Variants in PLXNA2 observed in about 807,000 individuals in gnomAD.
PLXNA2 encodes plexin A2, also known as plexin-A2.
In PLXNA2, 91 loss-of-function variants were observed where a neutral mutation model predicts 193.5. The ratio of observed to expected loss-of-function variants is 0.47; its 90% CI spans 0.40 to 0.56. The LOEUF (loss-of-function observed/expected upper bound fraction) is 0.56, where lower values mean the gene tolerates loss of function less well. PLXNA2 is among the 20% of genes least tolerant of loss of function. The pLI is 0.00. For missense variants in PLXNA2, 1,995 were observed against 2,503.2 expected (o/e 0.80, Z 4.33); for synonymous variants, 997 against 1,027.3 (o/e 0.97, Z 0.56).
At chr1:208,032,904 T>C (rs1664547252) in intron 28 of PLXNA2, among the ~76,000 whole-genome samples, 1 of 152,180 alleles carries the variant, frequency 6.6e-6, no homozygotes, top group African/African-American at 2.4e-5. Context: ...TCCTCTGAAG[T>C]GAAACAGTAG....
intron 3 of PLXNA2, among the ~76,000 whole-genome samples, chr1:208,191,037 G>A (rs1346867627): frequency 1.3e-5 from 2 of 152,188 alleles, no homozygotes; most frequent in African/African-American, 2.4e-5. Context: ...AGCTAAGTGA[G>A]GCTAAAGGAT....
Position 208,098,886 on chromosome 1 carries a change from A to C in PLXNA2, c.1691T>G (p.Val564Gly), listed in dbSNP as rs1221586750. ...ASISQCVSLA[V>G]HPSSISVSEH... Reference sequence around the variant, plus strand: ...AGATACTGAGATGCTGCTGGGATGCACTGCAAGGCTCACACACTGGCTGAT... The same window carrying C: ...AGATACTGAGATGCTGCTGGGATGCCCTGCAAGGCTCACACACTGGCTGAT... Residue 564 changes from valine to glycine, a missense_variant, in exon 6 of 32, where the codon GTG becomes GGG. By Grantham distance (109) the Val-to-Gly change is moderately radical. Coordinates refer to ENST00000367033, the MANE Select transcript of PLXNA2 (RefSeq NM_025179.4). 2 of 1,613,950 alleles carry C rather than the reference A, an allele frequency of 1.2e-6. No homozygotes were observed. The highest frequency in any genetic ancestry group is 3.3e-5 in the Admixed American group (2 of 59,994).
chr1:208,242,306 TG>T (rs1672083543), intron 1 of PLXNA2, among the ~76,000 whole-genome samples: 1 of 152,118 alleles, frequency 6.6e-6, no homozygotes, highest in African/African-American at 2.4e-5. Context: ...GAGCTAAACC[TG>T]ACTCCTGCTC....
intron 12 of PLXNA2, among the ~76,000 whole-genome samples, chr1:208,064,531 C>T (rs1049910726): frequency 1.3e-5 from 2 of 152,190 alleles, no homozygotes; most frequent in Non-Finnish European, 2.9e-5. Flanking sequence ...AGCCTTTGGA[C>T]ATGTTACCCA....
chr1:208,183,866 T>C (rs1317341728), intron 3 of PLXNA2, among the ~76,000 whole-genome samples: 1 of 152,226 alleles, frequency 6.6e-6, no homozygotes, highest in Non-Finnish European at 1.5e-5. Flanking sequence ...AAGTTATTTC[T>C]ACTTCATATT....
chr1:208,195,931 C>G (rs1262914780), intron 3 of PLXNA2, among the ~76,000 whole-genome samples: 1 of 151,490 alleles, frequency 6.6e-6, no homozygotes, highest in Non-Finnish European at 1.5e-5. Flanking sequence ...AGAGGGGCAG[C>G]CATTAGACTA....
intron 2 of PLXNA2, among the ~76,000 whole-genome samples, chr1:208,214,947 C>A (rs558198405): frequency 2.0e-4 from 31 of 152,090 alleles, no homozygotes; most frequent in African/African-American, 6.3e-4. Context: ...GTCTCTAGCT[C>A]TCTCTCTCTT....
At chr1:208,181,827 G>A (rs928795844) in intron 3 of PLXNA2, among the ~76,000 whole-genome samples, 35 of 152,166 alleles carry the variant, frequency 2.3e-4, no homozygotes, top group Non-Finnish European at 5.9e-5. Context: ...TTTAAATTAT[G>A]TCCAGAAAAA....
intron 12 of PLXNA2, among the ~76,000 whole-genome samples, chr1:208,067,460 T>C (rs1029178101): frequency 6.6e-6 from 1 of 152,218 alleles, no homozygotes; most frequent in African/African-American, 2.4e-5. Flanking sequence ...TCTATGGTAG[T>C]GTACAGTAAC....
chr1:208,139,247 A>G (rs889186419), intron 4 of PLXNA2, among the ~76,000 whole-genome samples: 2 of 152,146 alleles, frequency 1.3e-5, no homozygotes, highest in Non-Finnish European at 2.9e-5. Flanking sequence ...TTTACAGATG[A>G]GGAAACTGAG....
In PLXNA2 at chr1:208,131,182, T is replaced by A. The variant is rs147251508; in HGVS notation, c.1506+11147A>T. Among the ~76,000 whole-genome samples, 753 of 152,246 alleles carry A rather than the reference T, an allele frequency of 4.9e-3. 8 individuals carry two copies. The highest frequency in any genetic ancestry group is 0.016 in the African/African-American group (685 of 41,540). ...GGCCACGCACCCCAGGACTTCCAAT[T>A]GCGCTTGTCTCCAGGGGTTCACTGA... On this transcript the variant is annotated intron_variant, in intron 4 of 31. Coordinates refer to ENST00000367033, the MANE Select transcript of PLXNA2 (RefSeq NM_025179.4).
intron 3 of PLXNA2, among the ~76,000 whole-genome samples, chr1:208,203,538 T>C (rs1670618367): frequency 6.6e-6 from 1 of 152,160 alleles, no homozygotes; most frequent in African/African-American, 2.4e-5. Flanking sequence ...GTGGCTATTG[T>C]TTGGTGGGGC....
chr1:208,058,103 G>A (rs750031688), intron 13 of PLXNA2, among the ~76,000 whole-genome samples: 5 of 152,098 alleles, frequency 3.3e-5, no homozygotes, highest in Non-Finnish European at 5.9e-5. Flanking sequence ...ATGGTGCCTC[G>A]CTCCCTGGGG....
At position 208,217,786 on chromosome 1, in the gene PLXNA2, C is replaced by T. The variant is rs76008312; in HGVS notation, c.137G>A (p.Arg46His). ...PQFSTFHSEN[R>H]DWTFNHLTVH... is the part of the protein sequence containing the mutation. ...GGTCAAGTGGTTGAAGGTCCAGTCA[C>T]GATTCTCAGAGTGGAAGGTGCTGAA... Residue 46 changes from arginine (R) to histidine (H), a missense_variant, in exon 2 of 32, where the codon CGT becomes CAT. Arg to His is a conservative substitution (Grantham distance 29). This residue lies in a region of PLXNA2 where 702 missense variants were observed against 812.9 expected (regional missense o/e 0.86). Coordinates refer to ENST00000367033, the MANE Select transcript of PLXNA2 (RefSeq NM_025179.4). The surrounding 1 kb of genome is among the most constrained non-coding windows in gnomAD (Gnocchi z 4.7). 5,693 of 1,614,156 alleles carry T rather than the reference C, an allele frequency of 3.5e-3. 141 individuals are homozygous for T. The African/African-American group carries it at 0.062, about 18-fold the overall frequency.
chr1:208,138,819 G>A (rs1379734301), intron 4 of PLXNA2, among the ~76,000 whole-genome samples: 1 of 152,222 alleles, frequency 6.6e-6, no homozygotes, highest in African/African-American at 2.4e-5. Context: ...TTGAGGTCAG[G>A]AGTTTGAGAG....
intron 3 of PLXNA2, among the ~76,000 whole-genome samples, chr1:208,178,696 C>T (rs956513382): frequency 1.3e-5 from 2 of 152,088 alleles, no homozygotes; most frequent in East Asian, 1.9e-4. Flanking sequence ...CAGGAGGATG[C>T]GAGGAGAAGA....
chr1:208,093,756 C>G, intron 8 of PLXNA2, among the ~76,000 whole-genome samples: 1 of 152,166 alleles, frequency 6.6e-6, no homozygotes, highest in East Asian at 1.9e-4. Context: ...GTGAGCACTT[C>G]TTTCCTTCCA....
At chr1:208,053,301 G>T (rs1259615782) in intron 14 of PLXNA2, among the ~76,000 whole-genome samples, 1 of 152,168 alleles carries the variant, frequency 6.6e-6, no homozygotes, top group Non-Finnish European at 1.5e-5. Context: ...GAGGAGGGTG[G>T]GCTAGGTTAT....
intron 3 of PLXNA2, among the ~76,000 whole-genome samples, chr1:208,152,675 A>ACACACG (rs796596642): frequency 0.13 from 15,137 of 114,146 alleles, 1,116 homozygotes; most frequent in South Asian, 0.32. Flanking sequence ...ACATACACAC[A>ACACACG]CACACACGCA....
Sources: allele counts gnomAD v4.1 joint callset (sites outside exome capture counted in the v4.1 genomes callset), GRCh38; gene constraint gnomAD v4.1.1; regional missense constraint gnomAD v4.1.1; non-coding constraint Gnocchi (gnomAD v3.1); transcripts MANE v1.5; gene names NCBI Gene and HGNC (gene_info 2026-07-23, HGNC 2026-07-21).